The following TMCO6 variants were observed in gnomAD, a reference collection of about 807,000 sequenced individuals.
TMCO6 encodes the protein transmembrane and coiled-coil domains 6.
A neutral mutation model predicts 61.8 loss-of-function variants in TMCO6; 47 were observed. The ratio of observed to expected loss-of-function variants is 0.76; its 90% CI spans 0.60 to 0.97. TMCO6 has a LOEUF of 0.97. TMCO6 is among the 50% of genes least tolerant of loss of function. TMCO6 has a pLI of 0.00. For missense variants in TMCO6, 557 were observed against 601.6 expected (o/e 0.93, Z 0.78); for synonymous variants, 261 against 254.2 (o/e 1.03, Z -0.25).
At chr5:140,612,655 G>A in the TMCO6 span, among the ~76,000 whole-genome samples, 1 of 152,090 alleles carries the variant, frequency 6.6e-6, no homozygotes, top group Non-Finnish European at 1.5e-5. Flanking sequence ...CCCAATCTTA[G>A]GGCCTCTCTG....
At chr5:140,607,941 C>A in the TMCO6 span, among the ~76,000 whole-genome samples, 2 of 151,992 alleles carry the variant, frequency 1.3e-5, no homozygotes, top group East Asian at 1.9e-4. Flanking sequence ...AGGCACTCAC[C>A]ACCAGGCCTG....
Position 140,643,788 on chromosome 5 carries a change from C to A in TMCO6, c.927C>A (p.Cys309Ter). The change falls in exon 9 of 12, where the codon TGC (cysteine) becomes TGA (stop). Residue 309 changes from cysteine to a stop codon, truncating the protein, a stop_gained. Transcript: ENST00000394671. LOFTEE classifies it high-confidence loss of function. ...CCAATTTGTCTTTGCAGCTGGCATG[C>A]CCCGTGCTTCGATGTCTAAGCAACC... is the stretch of plus-strand genomic sequence containing the variant. ...TEDAGLELLACPVLRCLSNLL... is the reference protein window; with the variant it reads ...TEDAGLELLA 6.2e-7 allele frequency: 1 copy of A among 1,613,964 alleles called. No individual in the cohort carries two copies. The highest frequency in any genetic ancestry group is 1.1e-5 in the South Asian group (1 of 91,076).
intron 2 of TMCO6, among the ~76,000 whole-genome samples, chr5:140,640,128 C>G (rs1402950154): frequency 6.6e-6 from 1 of 152,190 alleles, no homozygotes; most frequent in Non-Finnish European, 1.5e-5. Flanking sequence ...TCTCTGGATA[C>G]TACTGCAGTC....
chr5:140,631,961 C>T, the TMCO6 span: 6 of 1,613,616 alleles, frequency 3.7e-6, no homozygotes, highest in Non-Finnish European at 5.1e-6. Flanking sequence ...TCATTGAGCC[C>T]TCGTGGGGGA....
chr5:140,622,073 G>T, the TMCO6 span, among the ~76,000 whole-genome samples: 5 of 152,056 alleles, frequency 3.3e-5, no homozygotes, highest in Admixed American at 1.3e-4. Context: ...TAAAGTACTT[G>T]ATGTCTGTGA....
chr5:140,639,442 T>G, upstream of TMCO6: 3 of 1,379,780 alleles, frequency 2.2e-6, no homozygotes, highest in African/African-American at 1.4e-5. Flanking sequence ...CGCCCTGTGC[T>G]GAGGCTGCGC....
At chr5:140,621,581 G>A in the TMCO6 span, among the ~76,000 whole-genome samples, 1 of 151,932 alleles carries the variant, frequency 6.6e-6, no homozygotes, top group Admixed American at 6.6e-5. Flanking sequence ...TATGAAATCC[G>A]GGCACCTTGA....
chr5:140,610,423 T>C, the TMCO6 span, among the ~76,000 whole-genome samples: 2 of 152,052 alleles, frequency 1.3e-5, no homozygotes, highest in Non-Finnish European at 2.9e-5. Flanking sequence ...GGTCATGAAC[T>C]TCAGGGCTGA....
At chr5:140,617,882 A>G in the TMCO6 span, among the ~76,000 whole-genome samples, 1 of 152,246 alleles carries the variant, frequency 6.6e-6, no homozygotes, top group African/African-American at 2.4e-5. Flanking sequence ...TATTTGAACC[A>G]TTGTGCACTG....
At chr5:140,597,294 T>C in the TMCO6 span, among the ~76,000 whole-genome samples, 1 of 152,160 alleles carries the variant, frequency 6.6e-6, no homozygotes, top group South Asian at 2.1e-4. Flanking sequence ...ATTATAATCT[T>C]GCCAATAATG....
chr5:140,614,551 C>T, the TMCO6 span, among the ~76,000 whole-genome samples: 4 of 152,110 alleles, frequency 2.6e-5, no homozygotes, highest in African/African-American at 7.2e-5. Flanking sequence ...AGCATACTCA[C>T]TGGTAAGAAA....
chr5:140,613,214 C>T, the TMCO6 span, among the ~76,000 whole-genome samples: 1 of 151,848 alleles, frequency 6.6e-6, no homozygotes, highest in Non-Finnish European at 1.5e-5. Context: ...CATGGTGAAA[C>T]CCTGTCTCTA....
the TMCO6 span, among the ~76,000 whole-genome samples, chr5:140,615,424 A>T: frequency 1.3e-5 from 2 of 152,120 alleles, no homozygotes; most frequent in Non-Finnish European, 2.9e-5. Flanking sequence ...TTTTTTTTTC[A>T]GAAATGGAAA....
At chr5:140,632,972 C>A in the TMCO6 span, 2 of 1,614,142 alleles carry the variant, frequency 1.2e-6, no homozygotes, top group Admixed American at 1.7e-5. This position sits in a 1 kb window ranked among gnomAD's most constrained non-coding sequence, Gnocchi z 6.2. Flanking sequence ...ACAAGCAGGA[C>A]GCGCGCTCCT....
the TMCO6 span, among the ~76,000 whole-genome samples, chr5:140,619,948 G>A: frequency 1.0e-3 from 159 of 152,342 alleles, no homozygotes; most frequent in Non-Finnish European, 1.8e-3. Context: ...TGGTGGAAAT[G>A]CAAAATGGTA....
intron 7 of TMCO6, 41 bp downstream of exon 7, chr5:140,643,082 G>A (rs1321837340): frequency 1.2e-6 from 2 of 1,613,318 alleles, no homozygotes; most frequent in South Asian, 2.2e-5. Context: ...TCTTCCCTGG[G>A]GCTCCCTTCC....
At chr5:140,613,599 T>C in the TMCO6 span, among the ~76,000 whole-genome samples, 2 of 152,080 alleles carry the variant, frequency 1.3e-5, no homozygotes, top group African/African-American at 4.8e-5. Context: ...TAGGTACCAG[T>C]CCCTTTTATC....
chr5:140,601,821 C>T, the TMCO6 span, among the ~76,000 whole-genome samples: 1 of 152,132 alleles, frequency 6.6e-6, no homozygotes, highest in African/African-American at 2.4e-5. Flanking sequence ...CCAGTGGAGT[C>T]TAGACTTTGA....
the TMCO6 span, among the ~76,000 whole-genome samples, chr5:140,601,381 T>C: frequency 2.6e-5 from 4 of 152,324 alleles, no homozygotes; most frequent in African/African-American, 9.6e-5. Flanking sequence ...TATGGGACTA[T>C]TGCCCCAGGT....
Sources: allele counts gnomAD v4.1 joint callset (sites outside exome capture counted in the v4.1 genomes callset), GRCh38; gene constraint gnomAD v4.1.1; non-coding constraint Gnocchi (gnomAD v3.1); transcripts MANE v1.5; gene names NCBI Gene and HGNC (gene_info 2026-07-23, HGNC 2026-07-21).